TRIM42: variants seen among roughly 807,000 people sequenced by gnomAD.
TRIM42 encodes tripartite motif-containing protein 42.
A neutral mutation model predicts 64.9 loss-of-function variants in TRIM42; 59 were observed. The ratio of observed to expected loss-of-function variants is 0.91; its 90% confidence interval spans 0.74 to 1.13. The LOEUF (loss-of-function observed/expected upper bound fraction) is 1.13. TRIM42 is among the 50% of genes most tolerant of loss of function. The probability of loss-of-function intolerance (pLI) is 0.00; values close to 1 mark genes in which losing one functional copy is unlikely to be tolerated. For synonymous variants in TRIM42, 354 were observed against 346.3 expected, an observed-to-expected ratio of 1.02 and a Z score of -0.25; for missense variants, 878 against 929.5, an observed-to-expected ratio of 0.94 and a Z score of 0.72.
intron 1 of TRIM42, chr3:140,680,640 C>T: frequency 1.0e-6 from 1 of 984,390 alleles, no homozygotes; most frequent in Non-Finnish European, 1.2e-6. Context: ...ACTACATGGA[C>T]AATTAACCTG....
At chr3:140,688,615 A>T (rs1988627061) in intron 3 of TRIM42, 73 bp downstream of exon 3, 1 of 1,254,730 alleles carries the variant, frequency 8.0e-7, no homozygotes, top group African/African-American at 1.5e-5. Context: ...TAGTCAGGAA[A>T]GGTTGCACTT....
intron 4 of TRIM42, among the ~76,000 whole-genome samples, chr3:140,693,107 ATGAG>A (rs750049066): frequency 6.6e-6 from 1 of 152,268 alleles, no homozygotes; most frequent in Non-Finnish European, 1.5e-5. Flanking sequence ...GAATGAGTAT[ATGAG>A]TGAAAATGTG....
intron 4 of TRIM42, among the ~76,000 whole-genome samples, chr3:140,695,770 C>T (rs1003260843): frequency 6.6e-6 from 1 of 152,148 alleles, no homozygotes; most frequent in East Asian, 1.9e-4. Context: ...GAGCCACACA[C>T]TTTCAAAGGT....
rs1988984153 is a variant in TRIM42 at position 140,700,917 on chromosome 3, C to T, written c.2115C>T (p.Asn705=). 1 of 1,614,110 alleles carries T rather than the reference C, an allele frequency of 6.2e-7. No homozygotes were observed. The highest frequency in any genetic ancestry group is 1.6e-4 in the Middle Eastern group (1 of 6,062). The change falls in exon 5 of 5, where the codon AAC becomes AAT. Residue 705 remains asparagine (N), a synonymous_variant. Transcript: ENST00000286349. ...KVVTPDGHGK[N]RAKWGLLKNI... is the part of the protein sequence containing the mutation. ...TAACACCAGATGGACATGGGAAGAACCGAGCTAAGTGGGGCCTGCTGAAGA... is the reference window on the plus strand; with the variant it reads ...TAACACCAGATGGACATGGGAAGAATCGAGCTAAGTGGGGCCTGCTGAAGA...
At chr3:140,683,282 C>G (rs1988463627) in intron 2 of TRIM42, 123 bp downstream of exon 2, 1 of 1,002,422 alleles carries the variant, frequency 1.0e-6, no homozygotes, top group Non-Finnish European at 1.5e-6. Context: ...AATCAAGGCA[C>G]CAGGAAACAC....
intron 1 of TRIM42, 63 bp downstream of exon 1, chr3:140,678,633 G>A: frequency 6.4e-6 from 9 of 1,416,798 alleles, no homozygotes; most frequent in African/African-American, 1.4e-5. Flanking sequence ...CCACTTGCCA[G>A]CTGTGAAGTC....
chr3:140,697,229 C>G (rs1988875030), intron 4 of TRIM42, among the ~76,000 whole-genome samples: 1 of 151,942 alleles, frequency 6.6e-6, no homozygotes, highest in South Asian at 2.1e-4. Context: ...GCAGGATGTC[C>G]TTATATATTC....
At chr3:140,693,678 A>G (rs74740190) in intron 4 of TRIM42, among the ~76,000 whole-genome samples, 2,654 of 152,334 alleles carry the variant, frequency 0.017, 55 homozygotes, top group East Asian at 0.11. Flanking sequence ...AAATGTTGCA[A>G]TGAGGCAGCA....
intron 2 of TRIM42, among the ~76,000 whole-genome samples, chr3:140,684,946 A>C (rs921811528): frequency 7.9e-5 from 12 of 152,198 alleles, no homozygotes; most frequent in African/African-American, 2.9e-4. Flanking sequence ...GGGCACCTAA[A>C]ATTTGAGCAG....
At chr3:140,684,293 A>G (rs1166053065) in intron 2 of TRIM42, among the ~76,000 whole-genome samples, 2 of 152,192 alleles carry the variant, frequency 1.3e-5, no homozygotes, top group African/African-American at 4.8e-5. Flanking sequence ...TCATTTGACA[A>G]TCTACTTTGT....
chr3:140,682,836 A>T lies in TRIM42; in HGVS notation c.716A>T (p.Gln239Leu). 6.2e-7 allele frequency: 1 copy of T among 1,614,164 alleles called. No individual in the cohort carries two copies. The highest frequency in any genetic ancestry group is 1.1e-5 in the South Asian group (1 of 91,080). The change falls in exon 2 of 5, where the codon CAG becomes CTG. Residue 239 changes from glutamine to leucine, a missense_variant. By Grantham distance (113) the Gln-to-Leu change is moderately radical. Coordinates refer to ENST00000286349, the MANE Select transcript of TRIM42 (RefSeq NM_152616.5). ...CGCTCCTCCGGGCCCATCCTCTGCC[A>T]GGTCTGCCGCAACAAGCGCATCGCT... ...FDRSSGPILC[Q>L]VCRNKRIAYK... is the part of the protein sequence containing the mutation.
intron 4 of TRIM42, among the ~76,000 whole-genome samples, chr3:140,691,712 C>T (rs1386758594): frequency 1.3e-5 from 2 of 152,212 alleles, no homozygotes; most frequent in South Asian, 4.1e-4. Context: ...ATCTGAAAGT[C>T]GAGAAACTGC....
Position 140,682,397 on chromosome 3 carries a change from G to C in TRIM42, c.342-65G>C. On this transcript the variant is annotated intron_variant, in intron 1 of 4. Coordinates refer to ENST00000286349, the MANE Select transcript of TRIM42 (RefSeq NM_152616.5). ...CTCAGGAACCAAGAGTTCTTTCAGA[G>C]GTAGAGAAGCAGAGCAAGCTCTTGA... 2.0e-6 allele frequency: 3 copies of C among 1,494,046 alleles called. No individual in the cohort carries two copies. The South Asian group carries it at 3.7e-5, about 19-fold the overall frequency. 92.5% of individuals were successfully genotyped at this position (1,494,046 alleles called of 1,614,324 possible).
At position 140,688,535 on chromosome 3, in the gene TRIM42, C is replaced by T; in HGVS notation, c.1853C>T (p.Ala618Val). Residue 618 changes from alanine (A) to valine (V), a missense_variant, in exon 3 of 5, where the codon GCT (alanine) becomes GTT (valine). Ala to Val is a moderately conservative substitution (Grantham distance 64). Coordinates refer to ENST00000286349, the MANE Select transcript of TRIM42 (RefSeq NM_152616.5). Reference protein sequence around the residue: ...VIYQTLVYPRAAKVYWTCPAE... With the variant: ...VIYQTLVYPRVAKVYWTCPAE... ...TACCAGACTCTGGTGTACCCAAGAGCTGCCAAGGTAAGAAAGGTTCTGGGC... is the reference window on the plus strand; with the variant it reads ...TACCAGACTCTGGTGTACCCAAGAGTTGCCAAGGTAAGAAAGGTTCTGGGC... The T allele has an allele frequency of 6.2e-7, 1 of 1,605,946 alleles. No individual in the cohort carries two copies. Among genetic ancestry groups the T allele is most frequent in the Non-Finnish European group, 8.5e-7 (1 of 1,175,590 alleles).
At position 140,691,150 on chromosome 3, in the gene TRIM42, C is replaced by T; in HGVS notation, c.2043C>T (p.Ala681=). ...CAGAATACGTGTTTAAAGTTAGAGC[C>T]ATCAATGATAATGGTCCTGGGCAAT... ...PNTEYVFKVR[A]INDNGPGQWS... The change falls in exon 4 of 5, where the codon GCC becomes GCT. Residue 681 remains alanine (A), a synonymous_variant. Transcript: ENST00000286349. 6.2e-7 allele frequency: 1 copy of T among 1,614,102 alleles called. No homozygotes were observed. The highest frequency in any genetic ancestry group is 8.5e-7 in the Non-Finnish European group (1 of 1,179,998).
intron 2 of TRIM42, 37 bp downstream of exon 2, chr3:140,683,196 G>A (rs1559935992): frequency 1.9e-6 from 3 of 1,602,832 alleles, no homozygotes; most frequent in Non-Finnish European, 2.6e-6. Flanking sequence ...CTAACTTCTA[G>A]TTCAGGAACA....
chr3:140,683,299 A>G, intron 2 of TRIM42, 140 bp downstream of exon 2: 1 of 881,406 alleles, frequency 1.1e-6, no homozygotes, highest in Non-Finnish European at 1.7e-6. Flanking sequence ...ACACTGTGCT[A>G]CCCTGCAAGT....
Position 140,688,396 on chromosome 3 carries a change from T to C in TRIM42, c.1714T>C (p.Tyr572His), listed in dbSNP as rs374180415. 1.4e-5 allele frequency: 22 copies of C among 1,614,214 alleles called. No homozygotes were observed. In the African/African-American group the frequency reaches 2.4e-4, roughly 18 times the overall value. The stretch of plus-strand genomic sequence containing the variant: ...CCCCGCCAAACCCACAGACGGCCTC[T>C]ACACCTACTGGAGTGCTGGAGCAGA... ...ATPAKPTDGL[Y>H]TYWSAGADSQ... Residue 572 changes from tyrosine (Y) to histidine (H), a missense_variant, in exon 3 of 5, where the codon TAC becomes CAC. By Grantham distance (83) the Tyr-to-His change is moderately conservative (BLOSUM62 2). Coordinates refer to ENST00000286349, the MANE Select transcript of TRIM42 (RefSeq NM_152616.5).
At chr3:140,695,537 T>C (rs1263823688) in intron 4 of TRIM42, among the ~76,000 whole-genome samples, 1 of 152,186 alleles carries the variant, frequency 6.6e-6, no homozygotes, top group Non-Finnish European at 1.5e-5. Flanking sequence ...CTTCTCAGTC[T>C]GCACTGAGAG....
Sources: allele counts gnomAD v4.1 joint callset (sites outside exome capture counted in the v4.1 genomes callset), GRCh38; gene constraint gnomAD v4.1.1; transcripts MANE v1.5; gene names NCBI Gene and HGNC (gene_info 2026-07-23, HGNC 2026-07-21).